Variants in CDH17 observed in about 807,000 individuals in gnomAD.
CDH17 encodes the protein cadherin-17.
CDH17 carries 67 observed loss-of-function variants against 86.3 expected under a neutral mutation model. The ratio of observed to expected loss-of-function variants is 0.78; its 90% CI spans 0.64 to 0.95. CDH17 has a LOEUF of 0.95. Ranked by LOEUF, CDH17 falls within the 40% of genes least tolerant of loss-of-function variation. CDH17 has a pLI of 0.00. For missense variants in CDH17, 993 were observed against 1,017.6 expected, an observed-to-expected ratio of 0.98 and a Z score of 0.33; for synonymous variants, 367 against 366.4, an observed-to-expected ratio of 1.00 and a Z score of -0.02.
chr8:94,176,595 G>A lies in CDH17; in HGVS notation c.370C>T (p.Pro124Ser). 12 of 1,613,828 alleles carry A rather than the reference G, an allele frequency of 7.4e-6. No homozygotes were observed. The highest frequency in any genetic ancestry group is 1.0e-5 in the Non-Finnish European group (12 of 1,179,810). The change falls in exon 5 of 18, where the codon CCC becomes TCC. Residue 124 changes from proline (P) to serine (S), a missense_variant. Transcript: ENST00000027335. ...TCGTACTTTGACTGGAGAAACGTGG[G>A]TCGATTGTCGTTGATGTCCTTCACT... The part of the protein sequence containing the change: ...IKVKDINDNR[P>S]TFLQSKYEGS...
intron 9 of CDH17, among the ~76,000 whole-genome samples, chr8:94,169,690 A>G (rs1010177782): frequency 6.6e-5 from 10 of 152,218 alleles, no homozygotes; most frequent in Non-Finnish European, 1.5e-4. Flanking sequence ...CAAGGGGCTC[A>G]CTGCCAAGGG....
At chr8:94,139,670 G>C (rs1812598230) in intron 15 of CDH17, among the ~76,000 whole-genome samples, 1 of 151,896 alleles carries the variant, frequency 6.6e-6, no homozygotes, top group South Asian at 2.1e-4. Context: ...TGGGAGGCTG[G>C]GGCAGGCAGA....
chr8:94,190,261 GC>G (rs1224051626), intron 2 of CDH17, among the ~76,000 whole-genome samples: 1 of 152,228 alleles, frequency 6.6e-6, no homozygotes, highest in Admixed American at 6.5e-5. Flanking sequence ...AGCCCTCTCA[GC>G]CTCTATGCAC....
intron 15 of CDH17, among the ~76,000 whole-genome samples, chr8:94,141,439 T>G (rs1812636870): frequency 6.6e-6 from 1 of 152,158 alleles, no homozygotes; most frequent in South Asian, 2.1e-4. Context: ...CTACCTCTAT[T>G]TGACATTTCA....
intron 11 of CDH17, 90 bp from the exon 12 acceptor site, chr8:94,160,252 A>C: frequency 9.9e-7 from 1 of 1,007,638 alleles, no homozygotes; most frequent in Non-Finnish European, 1.5e-6. Context: ...CAGAATAGAC[A>C]CAAGTCATAG....
rs139300462 is a variant in CDH17 at position 94,129,043 on chromosome 8, G to A, written c.2399-703C>T. Among the ~76,000 whole-genome samples, 979 of 152,222 alleles carry A rather than the reference G, an allele frequency of 6.4e-3. 6 individuals are homozygous for A. Among genetic ancestry groups the A allele is most frequent in the Non-Finnish European group, 9.7e-3 (660 of 68,016 alleles). ...AGGAGGAATCATGGCAGAAAAGTCT[G>A]GATGCTCAGAAACTTATAATTCCAA... On this transcript the variant is annotated intron_variant, in intron 17 of 17. Transcript: ENST00000027335.
chr8:94,217,243 T>G (rs1393054606), exon 1 of CDH17: 1 of 152,134 alleles, frequency 6.6e-6, no homozygotes, highest in Non-Finnish European at 1.5e-5. Flanking sequence ...GGGACTCAAG[T>G]CCACTAAGCA....
chr8:94,216,938 C>T (rs1814203727), intron 1 of CDH17, among the ~76,000 whole-genome samples: 2 of 152,136 alleles, frequency 1.3e-5, no homozygotes, highest in Admixed American at 6.5e-5. Flanking sequence ...AACGTGCAGC[C>T]GAGGTTGAGA....
At chr8:94,162,931 A>C (rs1813083017) in intron 10 of CDH17, among the ~76,000 whole-genome samples, 1 of 152,198 alleles carries the variant, frequency 6.6e-6, no homozygotes, top group African/African-American at 2.4e-5. Context: ...ACCATGGTGC[A>C]CTGCACTGTA....
At position 94,160,259 on chromosome 8, in the gene CDH17, A is replaced by G. The variant is rs11785909; in HGVS notation, c.1360-97T>C. 3.3e-6 allele frequency: 3 copies of G among 898,422 alleles called. No homozygotes were observed. The African/African-American group carries it at 5.0e-5, about 15-fold the overall frequency. 55.7% of individuals were successfully genotyped at this position (898,422 alleles called of 1,614,324 possible). On this transcript the variant is annotated intron_variant, in intron 11 of 17. Coordinates refer to ENST00000027335, the MANE Select transcript of CDH17 (RefSeq NM_004063.4). ...TCTGGTTTCAGAATAGACACAAGTC[A>G]TAGTTTGCATCAATCTTCATGGGGC...
At chr8:94,137,682 C>G (rs1283187196) in intron 15 of CDH17, among the ~76,000 whole-genome samples, 1 of 146,490 alleles carries the variant, frequency 6.8e-6, no homozygotes, top group Non-Finnish European at 1.5e-5. Flanking sequence ...AAACAGCGCA[C>G]TACATAAACT....
chr8:94,216,222 C>T (rs1425591267), intron 1 of CDH17, among the ~76,000 whole-genome samples: 1 of 152,166 alleles, frequency 6.6e-6, no homozygotes, highest in East Asian at 1.9e-4. Context: ...CTGGAAAAGC[C>T]ATGTTATCTT....
At chr8:94,178,669 CAAT>C (rs1333522980) in intron 3 of CDH17, among the ~76,000 whole-genome samples, 1 of 151,686 alleles carries the variant, frequency 6.6e-6, no homozygotes, top group Non-Finnish European at 1.5e-5. Context: ...ACATAAGAAA[CAAT>C]GATGTAAAGT....
At chr8:94,148,640 T>A in intron 14 of CDH17, 104 bp downstream of exon 14, 1 of 775,680 alleles carries the variant, frequency 1.3e-6, no homozygotes, top group Non-Finnish European at 1.9e-6. Context: ...GATATTCTGG[T>A]GTTTTGGCCC....
chr8:94,158,172 AATTC>A (rs1812981213), intron 12 of CDH17, among the ~76,000 whole-genome samples: 1 of 152,186 alleles, frequency 6.6e-6, no homozygotes. Flanking sequence ...TATGGGACAG[AATTC>A]ATTTATTCAT....
rs752105635 is a variant in CDH17, at chr8:94,128,295, C to T, written c.2444G>A (p.Gly815Asp). 6.2e-7 allele frequency: 1 copy of T among 1,613,486 alleles called. No individual in the cohort carries two copies. The highest frequency in any genetic ancestry group is 8.5e-7 in the Non-Finnish European group (1 of 1,179,672). The change falls in exon 18 of 18, where the codon GGC (glycine) becomes GAC (aspartate). Residue 815 changes from glycine (G) to aspartate (D), a missense_variant. Gly to Asp is a moderately conservative substitution (Grantham distance 94). Coordinates refer to ENST00000027335, the MANE Select transcript of CDH17 (RefSeq NM_004063.4). ...VVFIRIKKDKGKDNVESAQAS... is the reference protein window; with the variant it reads ...VVFIRIKKDKDKDNVESAQAS... ...TTGAGCACTTTCAACATTATCTTTG[C>T]CTTTATCCTTCTTTATGCGGATAAA...
intron 2 of CDH17, among the ~76,000 whole-genome samples, chr8:94,193,794 T>G (rs1360234056): frequency 1.3e-5 from 2 of 152,190 alleles, no homozygotes; most frequent in Non-Finnish European, 2.9e-5. Context: ...AAGGCTCTGA[T>G]AGTTTTCAAG....
At chr8:94,215,863 G>GT (rs11398758) in intron 1 of CDH17, among the ~76,000 whole-genome samples, 47,303 of 139,970 alleles carry the variant, frequency 0.34, 8,375 homozygotes, top group Middle Eastern at 0.49. Context: ...AGTATACGAG[G>GT]TTTTTTTTTT....
chr8:94,131,968 G>A (rs186598863), intron 15 of CDH17, among the ~76,000 whole-genome samples: 1 of 152,156 alleles, frequency 6.6e-6, no homozygotes, highest in African/African-American at 2.4e-5. Flanking sequence ...GAGAATGATG[G>A]TTTCCAGCTT....
Sources: gnomAD v4.1 joint callset for allele counts (sites outside exome capture counted in the v4.1 genomes callset) on GRCh38, gnomAD v4.1.1 for gene constraint, MANE v1.5 for transcripts, NCBI Gene and HGNC (gene_info 2026-07-23, HGNC 2026-07-21) for gene names.